The following ADAMTSL1 variants were observed in gnomAD, a reference collection of about 807,000 sequenced individuals.
The protein encoded by ADAMTSL1 is ADAMTS like 1.
A neutral mutation model predicts 201.8 loss-of-function variants in ADAMTSL1; 126 were observed. That is an observed-to-expected ratio of 0.62 (90% confidence interval 0.54 to 0.72). The LOEUF is 0.72. Among genes scored for constraint, ADAMTSL1 ranks in the 30% least tolerant of loss-of-function variants. The probability of loss-of-function intolerance (pLI) is 0.00; values close to 1 mark genes in which losing one functional copy is unlikely to be tolerated. For missense variants in ADAMTSL1, 2,679 were observed against 2,277.8 expected (o/e 1.18, Z -3.59); for synonymous variants, 1,121 against 903.4 (o/e 1.24, Z -4.32).
chr9:18,349,834 C>G (rs1835885732), intron 2 of ADAMTSL1, among the ~76,000 whole-genome samples: 1 of 152,008 alleles, frequency 6.6e-6, no homozygotes, highest in Admixed American at 6.6e-5. Context: ...TTCTACCCCA[C>G]AAGCTTTTCA....
intron 1 of ADAMTSL1, among the ~76,000 whole-genome samples, chr9:18,025,769 G>C (rs1820668110): frequency 6.6e-6 from 1 of 151,948 alleles, no homozygotes; most frequent in Admixed American, 6.6e-5. Context: ...TTTTAGAATA[G>C]GTTTTTCTAA....
chr9:18,209,870 A>G (rs558207198), intron 2 of ADAMTSL1, among the ~76,000 whole-genome samples: 1 of 152,130 alleles, frequency 6.6e-6, no homozygotes, highest in South Asian at 2.1e-4. Context: ...GTGAAAAATC[A>G]TAACTGTTCT....
At chr9:18,223,810 A>AT (rs200187218) in intron 2 of ADAMTSL1, among the ~76,000 whole-genome samples, 1,525 of 151,114 alleles carry the variant, frequency 0.01, 22 homozygotes, top group African/African-American at 0.034. Context: ...GGGACCAGTG[A>AT]TTTTTTTTTA....
chr9:17,999,073 C>G (rs1463429645), intron 1 of ADAMTSL1, among the ~76,000 whole-genome samples: 1 of 151,796 alleles, frequency 6.6e-6, no homozygotes, highest in African/African-American at 2.4e-5. Context: ...TCTTTATTGT[C>G]TATGGTGAAT....
intron 9 of ADAMTSL1, among the ~76,000 whole-genome samples, chr9:18,665,757 C>A (rs1829391650): frequency 1.3e-5 from 2 of 152,068 alleles, no homozygotes; most frequent in Admixed American, 6.6e-5. Context: ...TGGATTAGTT[C>A]ATCTACTAGT....
At chr9:18,450,702 A>G (rs1216789300) in intron 2 of ADAMTSL1, among the ~76,000 whole-genome samples, 1 of 151,286 alleles carries the variant, frequency 6.6e-6, no homozygotes, top group African/African-American at 2.5e-5. Flanking sequence ...AAACTTACCA[A>G]ACTCCCTTTG....
chr9:18,231,847 T>C (rs1022998101), intron 2 of ADAMTSL1, among the ~76,000 whole-genome samples: 2 of 152,168 alleles, frequency 1.3e-5, no homozygotes, highest in African/African-American at 4.8e-5. Flanking sequence ...TTACAGCAAA[T>C]ACTACTAACT....
chr9:18,122,996 C>A (rs917829922), intron 1 of ADAMTSL1, among the ~76,000 whole-genome samples: 9 of 152,192 alleles, frequency 5.9e-5, no homozygotes, highest in African/African-American at 1.9e-4. Flanking sequence ...ACCTTGGCCT[C>A]CCAAAGTGCT....
intron 20 of ADAMTSL1, among the ~76,000 whole-genome samples, chr9:18,797,467 T>C (rs2131058846): frequency 6.6e-6 from 1 of 152,328 alleles, no homozygotes; most frequent in South Asian, 2.1e-4. Context: ...TTGTGGTCCC[T>C]GATGCTTACA....
rs146516466 is a variant in ADAMTSL1 at position 18,306,672 on chromosome 9, C to A, written c.207+142691C>A. Among the ~76,000 whole-genome samples, 2 of 152,210 alleles carry A rather than the reference C, an allele frequency of 1.3e-5. 1 individual carries two copies. The highest frequency in any genetic ancestry group is 4.2e-4 in the South Asian group (2 of 4,800). ...AAGAATGAAAAGGAACAAACAAAGC[C>A]TCCAAGAAATATGGGACTATGTGAA... is the stretch of plus-strand genomic sequence containing the variant. On this transcript the variant is annotated intron_variant, in intron 2 of 29. Transcript: ENST00000680146.
intron 2 of ADAMTSL1, among the ~76,000 whole-genome samples, chr9:18,382,520 A>C (rs2133187083): frequency 6.6e-6 from 1 of 152,142 alleles, no homozygotes; most frequent in Admixed American, 6.6e-5. Flanking sequence ...TAGGGTGGGA[A>C]GAGTGTGAGG....
chr9:18,152,475 T>C (rs1826958600), intron 1 of ADAMTSL1, among the ~76,000 whole-genome samples: 1 of 151,958 alleles, frequency 6.6e-6, no homozygotes, highest in Non-Finnish European at 1.5e-5. Flanking sequence ...CTTAAAAGAA[T>C]TGCAGGGCAA....
At chr9:18,145,713 A>G (rs1283374311) in intron 1 of ADAMTSL1, among the ~76,000 whole-genome samples, 2 of 152,202 alleles carry the variant, frequency 1.3e-5, no homozygotes, top group African/African-American at 4.8e-5. Flanking sequence ...TGTTAATATA[A>G]TACCAAAAGC....
At chr9:18,829,775 C>A (rs573664266) in intron 22 of ADAMTSL1, 68 bp from the exon 23 acceptor site, 82 of 1,595,278 alleles carry the variant, frequency 5.1e-5, no homozygotes, top group Non-Finnish European at 6.8e-5. Flanking sequence ...TGCATACCCA[C>A]CTCTTCCTCT....
intron 15 of ADAMTSL1, among the ~76,000 whole-genome samples, chr9:18,725,157 C>T (rs558981664): frequency 2.0e-4 from 31 of 152,246 alleles, no homozygotes; most frequent in East Asian, 1.2e-3. Flanking sequence ...CTGCCCACCT[C>T]GGCCTCCCAA....
chr9:18,223,051 C>T (rs1587345694), intron 2 of ADAMTSL1, among the ~76,000 whole-genome samples: 2 of 152,002 alleles, frequency 1.3e-5, no homozygotes, highest in East Asian at 1.9e-4. Flanking sequence ...ATTTATTCTT[C>T]CTCATTCATT....
intron 2 of ADAMTSL1, among the ~76,000 whole-genome samples, chr9:18,263,395 T>G (rs1367404155): frequency 6.6e-6 from 1 of 152,214 alleles, no homozygotes; most frequent in African/African-American, 2.4e-5. Context: ...CCCTTTAATC[T>G]AATTCCCTGG....
intron 13 of ADAMTSL1, among the ~76,000 whole-genome samples, chr9:18,699,521 G>A (rs1046715576): frequency 6.6e-6 from 1 of 151,744 alleles, no homozygotes; most frequent in Non-Finnish European, 1.5e-5. Context: ...GTAGACATGG[G>A]GTCTTGCTAT....
chr9:18,123,507 T>A (rs1361656844), intron 1 of ADAMTSL1, among the ~76,000 whole-genome samples: 1 of 152,202 alleles, frequency 6.6e-6, no homozygotes, highest in Non-Finnish European at 1.5e-5. Flanking sequence ...GATTGTATAA[T>A]AACAATGTAA....
Sources: gnomAD v4.1 joint callset for allele counts (sites outside exome capture counted in the v4.1 genomes callset) on GRCh38, gnomAD v4.1.1 for gene constraint, MANE v1.5 for transcripts, NCBI Gene and HGNC (gene_info 2026-07-23, HGNC 2026-07-21) for gene names.